The following GALNT14 variants were observed in gnomAD, a reference collection of about 807,000 sequenced individuals.
GALNT14 encodes polypeptide N-acetylgalactosaminyltransferase 14.
A neutral mutation model predicts 77.5 loss-of-function variants in GALNT14; 60 were observed. The ratio of observed to expected loss-of-function variants is 0.77; its 90% CI spans 0.63 to 0.96. GALNT14 has a LOEUF of 0.96. GALNT14 is among the 40% of genes least tolerant of loss of function. The pLI, the probability that GALNT14 is intolerant of heterozygous loss-of-function variation, is 0.00. For synonymous variants in GALNT14, 280 were observed against 281.7 expected, an observed-to-expected ratio of 0.99 and a Z score of 0.06; for missense variants, 710 against 731.0, an observed-to-expected ratio of 0.97 and a Z score of 0.33.
chr2:31,008,876 T>C (rs1195145668), intron 1 of GALNT14, among the ~76,000 whole-genome samples: 2 of 152,188 alleles, frequency 1.3e-5, no homozygotes, highest in Non-Finnish European at 2.9e-5. Flanking sequence ...GGCGGCTCCC[T>C]GCACGGGTGG....
At chr2:31,049,633 C>A (rs1673710328) in intron 1 of GALNT14, among the ~76,000 whole-genome samples, 1 of 152,162 alleles carries the variant, frequency 6.6e-6, no homozygotes, top group Admixed American at 6.6e-5. Context: ...ATAGAAGCAG[C>A]CACAGGGAAA....
intron 1 of GALNT14, among the ~76,000 whole-genome samples, chr2:31,020,810 TC>T (rs1338682692): frequency 6.6e-6 from 1 of 152,198 alleles, no homozygotes; most frequent in African/African-American, 2.4e-5. Context: ...TGATCCTCTC[TC>T]TTGGTGAGCC....
chr2:31,027,918 G>GTGTGTGTGCA (rs61690434), intron 1 of GALNT14, among the ~76,000 whole-genome samples: 4 of 151,452 alleles, frequency 2.6e-5, no homozygotes, highest in Non-Finnish European at 5.9e-5. Flanking sequence ...GTGTGTGTGT[G>GTGTGTGTGCA]CACGCATGCA....
the GALNT14 span, among the ~76,000 whole-genome samples, chr2:30,896,172 C>T: frequency 6.6e-6 from 1 of 152,244 alleles, no homozygotes; most frequent in East Asian, 1.9e-4. Context: ...TACATCCCCT[C>T]TCCCTTCCCT....
intron 3 of GALNT14, among the ~76,000 whole-genome samples, chr2:30,965,483 CAG>C (rs1039826400): frequency 6.6e-5 from 10 of 151,980 alleles, no homozygotes; most frequent in Admixed American, 2.0e-4. Context: ...GTGAAACAGC[CAG>C]AGTCTTTGGA....
In GALNT14 at chr2:30,924,677, G is replaced by C. The variant is rs1665250757; in HGVS notation, c.1235+63C>G. On this transcript the variant is annotated intron_variant, in intron 12 of 14. Coordinates refer to ENST00000349752, the MANE Select transcript of GALNT14 (RefSeq NM_024572.4). ...TTGGTCATTGTCTGTCTCTTCTCCA[G>C]ACCAAGCCAGCTGAGGGCCTCTGCT... 7.0e-6 allele frequency: 10 copies of C among 1,438,510 alleles called. No homozygotes were observed. The South Asian group carries it at 1.1e-4, about 15-fold the overall frequency. 89.1% of individuals were successfully genotyped at this position (1,438,510 alleles called of 1,614,324 possible).
chr2:31,029,884 C>G (rs984103249), intron 1 of GALNT14, among the ~76,000 whole-genome samples: 56 of 152,328 alleles, frequency 3.7e-4, no homozygotes, highest in African/African-American at 1.2e-3. Flanking sequence ...CATATCCCCA[C>G]TAGCTATAAT....
chr2:31,068,643 T>C (rs550732592), intron 1 of GALNT14, among the ~76,000 whole-genome samples: 4 of 152,258 alleles, frequency 2.6e-5, no homozygotes, highest in Admixed American at 2.6e-4. Flanking sequence ...GGATAACCTT[T>C]CTGAACAGAG....
intron 3 of GALNT14, among the ~76,000 whole-genome samples, chr2:30,962,813 C>T (rs1040750980): frequency 1.3e-5 from 2 of 152,160 alleles, no homozygotes; most frequent in African/African-American, 4.8e-5. Context: ...ATGAAAGGTA[C>T]TTTAGAGAAG....
chr2:31,124,270 C>T (rs1416746540), intron 1 of GALNT14, among the ~76,000 whole-genome samples: 3 of 152,164 alleles, frequency 2.0e-5, no homozygotes, highest in East Asian at 1.9e-4. Flanking sequence ...ATCCTACGTC[C>T]GGTCTTAGTT....
chr2:30,925,021 A>C (rs1341963771), intron 11 of GALNT14, among the ~76,000 whole-genome samples, 198 bp from the exon 12 acceptor site: 1 of 152,260 alleles, frequency 6.6e-6, no homozygotes, highest in Non-Finnish European at 1.5e-5. Context: ...GGAAACACTT[A>C]GCAATATCTC....
At chr2:31,004,959 G>A (rs982108238) in intron 1 of GALNT14, among the ~76,000 whole-genome samples, 1 of 152,186 alleles carries the variant, frequency 6.6e-6, no homozygotes, top group Non-Finnish European at 1.5e-5. Context: ...AAATGTGAGC[G>A]AGAGTGGATG....
At position 31,075,663 on chromosome 2, in the gene GALNT14, G is replaced by A. The variant is rs373884877; in HGVS notation, c.129+62295C>T. On this transcript the variant is annotated intron_variant, in intron 1 of 14. Coordinates refer to ENST00000349752, the MANE Select transcript of GALNT14 (RefSeq NM_024572.4). ...GGGACCACTGCTCCTCCGTGCTCAC[G>A]GGATGATTTACTCCACCAGGACTGC... Among the ~76,000 whole-genome samples, 5 of 152,192 alleles carry A rather than the reference G, an allele frequency of 3.3e-5. No homozygotes were observed. The South Asian group carries it at 8.3e-4, about 25-fold the overall frequency.
chr2:30,985,274 G>T (rs1358293416), intron 2 of GALNT14, among the ~76,000 whole-genome samples: 1 of 152,210 alleles, frequency 6.6e-6, no homozygotes, highest in Non-Finnish European at 1.5e-5. Context: ...CATCAGTGTT[G>T]TTGACTGGTC....
At chr2:30,909,189 A>G (rs1310687035), downstream of GALNT14, among the ~76,000 whole-genome samples, 1 of 151,008 alleles carries the variant, frequency 6.6e-6, no homozygotes, top group Non-Finnish European at 1.5e-5. Flanking sequence ...CAATGGCAAC[A>G]AAAGCCAAAA....
chr2:30,955,115 A>C (rs1191801909), intron 6 of GALNT14, among the ~76,000 whole-genome samples: 3 of 152,196 alleles, frequency 2.0e-5, no homozygotes, highest in Non-Finnish European at 4.4e-5. Flanking sequence ...GAGTAATTTA[A>C]GGGCAAAGAG....
At chr2:30,931,050 C>G (rs1665697748) in intron 10 of GALNT14, among the ~76,000 whole-genome samples, 1 of 152,234 alleles carries the variant, frequency 6.6e-6, no homozygotes, top group African/African-American at 2.4e-5. Context: ...CCCCAGCTCA[C>G]CTTTACTTTT....
intron 1 of GALNT14, among the ~76,000 whole-genome samples, chr2:31,017,952 G>A (rs146389052): frequency 2.0e-5 from 3 of 152,320 alleles, no homozygotes; most frequent in African/African-American, 7.2e-5. Context: ...CTGTAGTTAT[G>A]GTGACAAGGG....
chr2:30,917,728 T>C (rs1018065807), intron 13 of GALNT14, among the ~76,000 whole-genome samples: 3 of 152,210 alleles, frequency 2.0e-5, no homozygotes, highest in African/African-American at 7.2e-5. Flanking sequence ...AAACTGAGGA[T>C]CAAAGGGGCC....
Sources: gnomAD v4.1 joint callset for allele counts (sites outside exome capture counted in the v4.1 genomes callset) on GRCh38, gnomAD v4.1.1 for gene constraint, MANE v1.5 for transcripts, NCBI Gene and HGNC (gene_info 2026-07-23, HGNC 2026-07-21) for gene names.